PTPN12: variants seen among roughly 807,000 people sequenced by gnomAD.
PTPN12 encodes tyrosine-protein phosphatase non-receptor type 12.
A neutral mutation model predicts 97.6 loss-of-function variants in PTPN12; 29 were observed. That is an observed-to-expected ratio of 0.30 (90% CI 0.22 to 0.41). PTPN12 has a LOEUF of 0.41. Among genes scored for constraint, PTPN12 ranks in the 10% least tolerant of loss-of-function variants. The pLI, the probability that PTPN12 is intolerant of heterozygous loss-of-function variation, is 1.00. For missense variants in PTPN12, 819 were observed against 926.0 expected, an observed-to-expected ratio of 0.88 and a Z score of 1.50; for synonymous variants, 327 against 300.4, an observed-to-expected ratio of 1.09 and a Z score of -0.91.
intron 1 of PTPN12, among the ~76,000 whole-genome samples, chr7:77,570,838 A>C (rs555199948): frequency 2.4e-4 from 36 of 152,330 alleles, no homozygotes; most frequent in African/African-American, 7.7e-4. Flanking sequence ...ATATCTTTAA[A>C]TTATATTACT....
In PTPN12 at chr7:77,638,629, C is replaced by G. The variant is rs1288923282; in HGVS notation, c.2179C>G (p.Pro727Ala). 6 of 1,589,158 alleles carry G rather than the reference C, an allele frequency of 3.8e-6. No homozygotes were observed. The highest frequency in any genetic ancestry group is 5.1e-6 in the Non-Finnish European group (6 of 1,170,562). ...ITSENEKCDH[P>A]AGGIHYEMCI... ...GGCTTTGTGTTGCTACTTAGATCATCCAGCGGGAGGTATTCACTATGAAAT... is the reference window on the plus strand; with the variant it reads ...GGCTTTGTGTTGCTACTTAGATCATGCAGCGGGAGGTATTCACTATGAAAT... The change falls in exon 17 of 18, where the codon CCA becomes GCA. Residue 727 changes from proline to alanine, a missense_variant. Physicochemically the swap from Pro to Ala is conservative, Grantham distance 27. Around this residue, in one of 5 missense-constraint regions of PTPN12, gnomAD observed 607 missense variants for 577.3 expected, o/e 1.05. Transcript: ENST00000248594.
intron 8 of PTPN12, chr7:77,604,936 G>A (rs1354963264): frequency 5.0e-6 from 2 of 399,884 alleles, no homozygotes; most frequent in Non-Finnish European, 1.0e-5. Context: ...TCACTGTTAT[G>A]TAAGAAATGT....
At chr7:77,613,348 T>A (rs1788639460) in intron 11 of PTPN12, among the ~76,000 whole-genome samples, 1 of 151,030 alleles carries the variant, frequency 6.6e-6, no homozygotes, top group Non-Finnish European at 1.5e-5. Flanking sequence ...CTAATTTTTG[T>A]ATTTTTAGTA....
At chr7:77,632,539 G>T in intron 14 of PTPN12, 114 bp downstream of exon 14, 2 of 741,432 alleles carry the variant, frequency 2.7e-6, no homozygotes, top group South Asian at 1.8e-5. Flanking sequence ...TCAAAAACAA[G>T]TAAATTGATG....
At chr7:77,546,018 G>A (rs529140248) in intron 1 of PTPN12, among the ~76,000 whole-genome samples, 2 of 152,136 alleles carry the variant, frequency 1.3e-5, no homozygotes, top group South Asian at 4.1e-4. Context: ...TGCAACCTCC[G>A]CCTCCTGGGT....
Position 77,580,276 on chromosome 7 carries a change from A to G in PTPN12, c.209-1151A>G, listed in dbSNP as rs1412202492. Among the ~76,000 whole-genome samples, 6 of 152,342 alleles carry G rather than the reference A, an allele frequency of 3.9e-5. No homozygotes were observed. In the East Asian group the frequency reaches 9.6e-4, roughly 24 times the overall value. On this transcript the variant is annotated intron_variant, in intron 2 of 17. Coordinates refer to ENST00000248594, the MANE Select transcript of PTPN12 (RefSeq NM_002835.4). Reference sequence around the variant, plus strand: ...CAGGAGTTTTAGGTTCGAATGAGCTATGATTGCAGCACTGCACTTCAGCCT... The same window carrying G: ...CAGGAGTTTTAGGTTCGAATGAGCTGTGATTGCAGCACTGCACTTCAGCCT...
intron 5 of PTPN12, among the ~76,000 whole-genome samples, chr7:77,586,561 G>A (rs1472277114): frequency 1.3e-5 from 2 of 152,158 alleles, no homozygotes; most frequent in East Asian, 3.9e-4. Context: ...TCCAGCCTGG[G>A]CAGAGGGAGA....
At chr7:77,608,055 C>T (rs1360803832) in intron 9 of PTPN12, among the ~76,000 whole-genome samples, 1 of 152,132 alleles carries the variant, frequency 6.6e-6, no homozygotes, top group African/African-American at 2.4e-5. Context: ...GTGCCTGGCC[C>T]ATTGCCTTTT....
chr7:77,632,382 A>G lies in PTPN12; in HGVS notation c.2031A>G (p.Leu677=), dbSNP rs754632720. ...TTAGTGAAGATTCACCTCCTCCCCT[A>G]CCTGAAAGAACTCCTGAATCGTTTG... The part of the protein sequence containing the change: ...VDVSEDSPPP[L]PERTPESFVL... Residue 677 remains leucine, a synonymous_variant, in exon 14 of 18, where the codon CTA becomes CTG. Coordinates refer to ENST00000248594, the MANE Select transcript of PTPN12 (RefSeq NM_002835.4). 4 of 1,611,226 alleles carry G rather than the reference A, an allele frequency of 2.5e-6. No individual in the cohort carries two copies. The East Asian group carries it at 6.7e-5, about 27-fold the overall frequency.
rs1300321281 is a variant in PTPN12 at position 77,637,944 on chromosome 7, AATTTTTTTTTTT to A, written c.2174-679_2174-668del. Among the ~76,000 whole-genome samples the A allele has an allele frequency of 2.7e-3, 245 of 89,498 alleles. 3 individuals carry two copies. The highest frequency in any genetic ancestry group is 0.011 in the African/African-American group (235 of 20,580). 58.7% of individuals were successfully genotyped at this position (89,498 alleles called of 152,430 possible). On this transcript the variant is annotated intron_variant, in intron 16 of 17. Transcript: ENST00000248594. ...AACCCTGACCTTGTTGATTTCTTAAAATTTTTTTTTTTTTTTTTTTTTTTTTTTTTGAGACAG... is the reference window on the plus strand; with the variant it reads ...AACCCTGACCTTGTTGATTTCTTAAATTTTTTTTTTTTTTTTTTGAGACAG...
At chr7:77,538,173 C>T in intron 1 of PTPN12, 2 of 889,360 alleles carry the variant, frequency 2.2e-6, no homozygotes, top group Non-Finnish European at 2.7e-6. Flanking sequence ...AGGACTTAGG[C>T]CGTTTCTGGG....
intron 16 of PTPN12, 129 bp downstream of exon 16, chr7:77,637,177 T>C: frequency 1.4e-6 from 1 of 706,878 alleles, no homozygotes; most frequent in Non-Finnish European, 2.3e-6. Context: ...ACAACTCTTG[T>C]AGAAGCTTAA....
At chr7:77,563,593 A>G (rs960932992) in intron 1 of PTPN12, among the ~76,000 whole-genome samples, 1 of 152,222 alleles carries the variant, frequency 6.6e-6, no homozygotes, top group African/African-American at 2.4e-5. Context: ...TAAGTGAAGC[A>G]TACATTTTGA....
At position 77,539,493 on chromosome 7, in the gene PTPN12, A is replaced by G. The variant is rs556348691; in HGVS notation, c.99+1848A>G. On this transcript the variant is annotated intron_variant, in intron 1 of 17. Coordinates refer to ENST00000248594, the MANE Select transcript of PTPN12 (RefSeq NM_002835.4). ...TTTTTATTGTCTTGGTATCTTTTGA[A>G]TGGTGTCATTTACAGCAATTGGATG... is the stretch of plus-strand genomic sequence containing the variant. 4.6e-5 allele frequency among the ~76,000 whole-genome samples: 7 copies of G among 152,304 alleles called. No homozygotes were observed. In the South Asian group the frequency reaches 1.4e-3, roughly 32 times the overall value.
chr7:77,601,016 A>C (rs140023084), intron 8 of PTPN12: 13 of 495,066 alleles, frequency 2.6e-5, no homozygotes, highest in African/African-American at 2.3e-4. Context: ...CATCTATTTG[A>C]AAATAGTATT....
intron 8 of PTPN12, among the ~76,000 whole-genome samples, chr7:77,603,858 A>G (rs753652850): frequency 4.9e-5 from 7 of 142,942 alleles, no homozygotes; most frequent in African/African-American, 1.6e-4. Context: ...ACCTTCCCCA[A>G]TACTGTGTGT....
chr7:77,609,843 C>T (rs1336669842), intron 9 of PTPN12, among the ~76,000 whole-genome samples: 1 of 150,758 alleles, frequency 6.6e-6, no homozygotes, highest in East Asian at 2.0e-4. Flanking sequence ...ATCACGCCAC[C>T]GTACTCCAGC....
intron 8 of PTPN12, among the ~76,000 whole-genome samples, chr7:77,605,409 G>GT (rs751962814): frequency 0.022 from 2,119 of 95,486 alleles, 220 homozygotes; most frequent in Non-Finnish European, 0.031. Context: ...TTTGTCATGA[G>GT]TTTTTTTTTT....
chr7:77,592,504 G>A, intron 6 of PTPN12: 1 of 352,706 alleles, frequency 2.8e-6, no homozygotes, highest in African/African-American at 2.1e-5. Context: ...TATATCAATT[G>A]ATAGTAGGTG....
Sources: gnomAD v4.1 joint callset for allele counts (sites outside exome capture counted in the v4.1 genomes callset) on GRCh38, gnomAD v4.1.1 for gene constraint, gnomAD v4.1.1 regional missense constraint, MANE v1.5 for transcripts, NCBI Gene and HGNC (gene_info 2026-07-23, HGNC 2026-07-21) for gene names.